The following KANK1 variants were observed in gnomAD, a reference collection of about 807,000 sequenced individuals.
KANK1 encodes KN motif and ankyrin repeat domains 1.
Under a neutral mutation model 106.2 loss-of-function variants are expected in KANK1, and 109 were observed. The observed-to-expected ratio is 1.03, with a 90% CI of 0.88 to 1.20. KANK1 has a LOEUF of 1.20. KANK1 is among the 50% of genes most tolerant of loss of function. The pLI is 0.00. For missense variants in KANK1, 2,399 were observed against 1,710.7 expected, an observed-to-expected ratio of 1.40 and a Z score of -7.10; for synonymous variants, 873 against 652.2, an observed-to-expected ratio of 1.34 and a Z score of -5.16.
Position 476,292 on chromosome 9 carries a change from G to A in KANK1, c.-362+3019G>A, listed in dbSNP as rs542284886. On this transcript the variant is annotated intron_variant, in intron 3 of 15. Transcript: ENST00000382303. Reference sequence around the variant, plus strand: ...TCCCAGCACTTTGGGAGGCCGAGGCGGGTGGATCACCTGAGGTCAGCAGTT... The same window carrying A: ...TCCCAGCACTTTGGGAGGCCGAGGCAGGTGGATCACCTGAGGTCAGCAGTT... 5.9e-5 allele frequency among the ~76,000 whole-genome samples: 9 copies of A among 152,214 alleles called. No individual in the cohort carries two copies. The East Asian group carries it at 1.4e-3, about 23-fold the overall frequency.
intron 1 of KANK1, among the ~76,000 whole-genome samples, chr9:597,718 C>T (rs986053307): frequency 1.3e-5 from 2 of 151,170 alleles, no homozygotes; most frequent in Non-Finnish European, 1.5e-5. Context: ...GGCTGGAGTA[C>T]AGTGGCAAGA....
intron 2 of KANK1, among the ~76,000 whole-genome samples, chr9:696,467 G>T (rs1048238657): frequency 1.1e-4 from 16 of 152,144 alleles, no homozygotes; most frequent in African/African-American, 3.9e-4. Context: ...GGTAAGTAGG[G>T]CTTTACAAAA....
At chr9:500,324 G>T (rs2058528548), upstream of KANK1, among the ~76,000 whole-genome samples, 2 of 152,192 alleles carry the variant, frequency 1.3e-5, no homozygotes, top group African/African-American at 4.8e-5. Flanking sequence ...TACTGAAAGA[G>T]ATCCCATAGA....
At chr9:483,019 G>T (rs114761987) in intron 3 of KANK1, among the ~76,000 whole-genome samples, 1 of 152,018 alleles carries the variant, frequency 6.6e-6, no homozygotes, top group Admixed American at 6.6e-5. Context: ...GTCAACTGTC[G>T]CAGCATCACA....
At position 690,131 on chromosome 9, in the gene KANK1, T is replaced by TAAAA. The variant is rs1819524820; in HGVS notation, c.37+13123_37+13124insAAAA. Among the ~76,000 whole-genome samples the TAAAA allele has an allele frequency of 4.6e-3, 77 of 16,694 alleles. 1 individual carries two copies. The highest frequency in any genetic ancestry group is 6.7e-3 in the African/African-American group (37 of 5,562). The allele number at this position is 16,694 out of a possible 152,430, so 11.0% of individuals were successfully genotyped here. On this transcript the variant is annotated intron_variant, in intron 2 of 11. Coordinates refer to ENST00000382297, the MANE Select transcript of KANK1 (RefSeq NM_015158.5). Reference sequence around the variant, plus strand: ...GGTGAAACCCCATCTCTTCTAAAAATACAAAAAAAAAAAAAAAAAAAAAAA... The same window carrying TAAAA: ...GGTGAAACCCCATCTCTTCTAAAAATAAAAACAAAAAAAAAAAAAAAAAAAAAAA...
At chr9:675,109 C>T (rs1489321842) in intron 1 of KANK1, among the ~76,000 whole-genome samples, 1 of 152,120 alleles carries the variant, frequency 6.6e-6, no homozygotes, top group African/African-American at 2.4e-5. Context: ...CATTTTGGTA[C>T]AATTACTTCT....
At chr9:685,656 C>T (rs1439498247) in intron 2 of KANK1, 1 of 152,172 alleles carries the variant, frequency 6.6e-6, no homozygotes, top group African/African-American at 2.4e-5. Flanking sequence ...TTTATGGGAA[C>T]AGTTTGCTAC....
At chr9:678,857 C>T (rs761280010) in intron 2 of KANK1, among the ~76,000 whole-genome samples, 4 of 152,104 alleles carry the variant, frequency 2.6e-5, no homozygotes, top group Non-Finnish European at 4.4e-5. Flanking sequence ...TGGTTTCCTC[C>T]CTTGCCCTCC....
At position 516,998 on chromosome 9, in the gene KANK1, TACAC is replaced by T. The variant is rs148954863; in HGVS notation, c.-84+12270_-84+12273del. On this transcript the variant is annotated intron_variant, in intron 1 of 11. Coordinates refer to ENST00000382297, the MANE Select transcript of KANK1 (RefSeq NM_015158.5). ...GTGGTTTCTATTCTTCATCACCCTCTACACACACACACACACACACACACACACA... is the reference window on the plus strand; with the variant it reads ...GTGGTTTCTATTCTTCATCACCCTCTACACACACACACACACACACACACA... Among the ~76,000 whole-genome samples, 173 of 145,546 alleles carry T rather than the reference TACAC, an allele frequency of 1.2e-3. 1 individual carries two copies. The highest frequency in any genetic ancestry group is 1.0e-3 in the Non-Finnish European group (67 of 66,816).
chr9:650,027 A>G (rs1322290640), intron 1 of KANK1, among the ~76,000 whole-genome samples: 1 of 152,172 alleles, frequency 6.6e-6, no homozygotes, highest in Non-Finnish European at 1.5e-5. Context: ...ACTTCGTAAG[A>G]CTGCTTGCAA....
intron 1 of KANK1, among the ~76,000 whole-genome samples, chr9:529,633 A>T (rs953606215): frequency 6.6e-6 from 1 of 152,150 alleles, no homozygotes; most frequent in Non-Finnish European, 1.5e-5. Flanking sequence ...CTCCATGTGG[A>T]GGTATGGGTT....
At chr9:615,215 C>G (rs181067531) in intron 1 of KANK1, among the ~76,000 whole-genome samples, 83 of 152,302 alleles carry the variant, frequency 5.4e-4, no homozygotes, top group Middle Eastern at 3.4e-3. Context: ...GGATTATAGT[C>G]TTGAGCTACC....
intron 1 of KANK1, among the ~76,000 whole-genome samples, chr9:616,048 C>T (rs1227609048): frequency 1.3e-5 from 2 of 152,162 alleles, no homozygotes; most frequent in Non-Finnish European, 2.9e-5. Flanking sequence ...CTTCTGTATC[C>T]GTCCTACCAG....
At chr9:629,077 CAAAAAAA>C (rs34834497) in intron 1 of KANK1, among the ~76,000 whole-genome samples, 6 of 132,696 alleles carry the variant, frequency 4.5e-5, no homozygotes, top group Non-Finnish European at 6.5e-5. Context: ...CAACTGTTTC[CAAAAAAA>C]AAAAAAAAAA....
chr9:744,168 G>C (rs1450976017), intron 10 of KANK1, among the ~76,000 whole-genome samples: 1 of 144,048 alleles, frequency 6.9e-6, no homozygotes, highest in Admixed American at 7.0e-5. Context: ...CACTACTGCT[G>C]CTTGCCTGGT....
intron 1 of KANK1, among the ~76,000 whole-genome samples, chr9:510,959 C>G (rs2059004307): frequency 6.6e-6 from 1 of 152,148 alleles, no homozygotes; most frequent in Admixed American, 6.5e-5. Context: ...GTAAACAGTA[C>G]TTAAATTTGT....
At chr9:594,528 G>A (rs1173422010) in intron 1 of KANK1, among the ~76,000 whole-genome samples, 1 of 151,760 alleles carries the variant, frequency 6.6e-6, no homozygotes, top group Admixed American at 6.6e-5. Context: ...TTTCAAAATG[G>A]GAACCAGCCC....
intron 1 of KANK1, among the ~76,000 whole-genome samples, chr9:580,299 C>T (rs541029523): frequency 1.3e-5 from 2 of 152,102 alleles, no homozygotes; most frequent in East Asian, 1.9e-4. Context: ...TGTTACAGCT[C>T]ATAAAGGCAG....
At chr9:679,189 C>G (rs1398581295) in intron 2 of KANK1, among the ~76,000 whole-genome samples, 1 of 152,106 alleles carries the variant, frequency 6.6e-6, no homozygotes, top group East Asian at 1.9e-4. Context: ...AGACAGTTAT[C>G]TGGACTGTGC....
Sources: allele counts gnomAD v4.1 joint callset (sites outside exome capture counted in the v4.1 genomes callset), GRCh38; gene constraint gnomAD v4.1.1; transcripts MANE v1.5; gene names NCBI Gene and HGNC (gene_info 2026-07-23, HGNC 2026-07-21).